SLC2A14: variants seen among roughly 807,000 people sequenced by gnomAD.
SLC2A14 encodes solute carrier family 2, facilitated glucose transporter member 14.
SLC2A14 carries 13 observed loss-of-function variants against 43.0 expected under a neutral mutation model. The ratio of observed to expected loss-of-function variants is 0.30; its 90% CI spans 0.20 to 0.48. The LOEUF is 0.48. SLC2A14 is among the 20% of genes least tolerant of loss of function. The pLI, the probability that SLC2A14 is intolerant of heterozygous loss-of-function variation, is 0.99. For synonymous variants in SLC2A14, 190 were observed against 233.8 expected, an observed-to-expected ratio of 0.81 and a Z score of 1.71; for missense variants, 428 against 620.4, an observed-to-expected ratio of 0.69 and a Z score of 3.29.
chr12:7,828,069 T>A (rs67712383), intron 6 of SLC2A14, among the ~76,000 whole-genome samples: 34,024 of 151,074 alleles, frequency 0.23, 4,721 homozygotes, highest in Non-Finnish European at 0.31. Flanking sequence ...AAAAAAAAAA[T>A]ACAAATTAGA....
Position 7,872,787 on chromosome 12 carries a change from G to A in SLC2A14, c.-58+20C>T. 1 of 985,484 alleles carries A rather than the reference G, an allele frequency of 1.0e-6. No homozygotes were observed. The highest frequency in any genetic ancestry group is 1.2e-6 in the Non-Finnish European group (1 of 830,058). 61.0% of individuals were successfully genotyped at this position (985,484 alleles called of 1,614,324 possible). Reference sequence around the variant, plus strand: ...TCATTCCCGCACCCCCCGGCCGCAGGGACGGCGCGGCGCACCCACCTCCCA... The same window carrying A: ...TCATTCCCGCACCCCCCGGCCGCAGAGACGGCGCGGCGCACCCACCTCCCA... On this transcript the variant is annotated intron_variant, in intron 1 of 10. Coordinates refer to ENST00000431042, the MANE Select transcript of SLC2A14 (RefSeq NM_001286234.2).
chr12:7,852,381 C>T (rs1867011631), intron 2 of SLC2A14, among the ~76,000 whole-genome samples: 4 of 151,990 alleles, frequency 2.6e-5, no homozygotes. Flanking sequence ...TGGAAAAAAG[C>T]AGTGCTTCAT....
chr12:7,863,442 T>C (rs952864636), intron 2 of SLC2A14: 8 of 453,254 alleles, frequency 1.8e-5, no homozygotes, highest in Admixed American at 1.2e-4. Context: ...ATGGCCACCA[T>C]TGTGAAACTC....
At chr12:7,829,675 G>C (rs1864830090) in intron 5 of SLC2A14, 91 bp downstream of exon 5, 2 of 1,521,124 alleles carry the variant, frequency 1.3e-6, no homozygotes, top group Non-Finnish European at 1.8e-6. Context: ...AATTGAACAT[G>C]TGCCAGATAT....
intron 2 of SLC2A14, among the ~76,000 whole-genome samples, chr12:7,847,916 C>T (rs1393349314): frequency 2.0e-5 from 3 of 152,062 alleles, no homozygotes; most frequent in Non-Finnish European, 4.4e-5. Context: ...ACATTTACTT[C>T]TAGAAATGGA....
At chr12:7,846,745 CCTCA>C (rs1866499621) in intron 2 of SLC2A14, among the ~76,000 whole-genome samples, 1 of 57,704 alleles carries the variant, frequency 1.7e-5, no homozygotes, top group Admixed American at 2.8e-4. Context: ...GATTCTCCTG[CCTCA>C]GCCTCTGGAG....
intron 1 of SLC2A14, chr12:7,871,896 A>T (rs1414701502): frequency 1.0e-6 from 1 of 984,678 alleles, no homozygotes; most frequent in Non-Finnish European, 1.2e-6. Flanking sequence ...CCATCGTGGG[A>T]GTGTGCTCAA....
intron 7 of SLC2A14, among the ~76,000 whole-genome samples, chr12:7,824,681 C>T (rs1051434857): frequency 2.1e-5 from 3 of 141,910 alleles, no homozygotes; most frequent in East Asian, 2.1e-4. Context: ...TGCAGTGAGC[C>T]GAGATTGTGC....
intron 2 of SLC2A14, among the ~76,000 whole-genome samples, chr12:7,855,204 C>T (rs1359489383): frequency 6.6e-6 from 1 of 152,166 alleles, no homozygotes; most frequent in Non-Finnish European, 1.5e-5. Context: ...CCACTCTGGA[C>T]ATTAGGCATT....
chr12:7,832,925 T>C, intron 2 of SLC2A14, 111 bp from the exon 3 acceptor site: 1 of 1,005,596 alleles, frequency 9.9e-7, no homozygotes, highest in Non-Finnish European at 1.5e-6. Context: ...ATGAGTGGTA[T>C]GAAAAGGACA....
chr12:7,815,388 C>T (rs1400541287), intron 10 of SLC2A14, among the ~76,000 whole-genome samples: 3 of 152,088 alleles, frequency 2.0e-5, no homozygotes, highest in Non-Finnish European at 2.9e-5. Flanking sequence ...TGCATTCCAC[C>T]GTGGGCAACA....
chr12:7,824,400 T>A (rs896425733), intron 7 of SLC2A14, among the ~76,000 whole-genome samples: 1 of 152,028 alleles, frequency 6.6e-6, no homozygotes, highest in Non-Finnish European at 1.5e-5. Context: ...TATCACAATG[T>A]CTACACATCA....
At chr12:7,882,239 G>A (rs1007576270) in intron 1 of SLC2A14, among the ~76,000 whole-genome samples, 2 of 148,806 alleles carry the variant, frequency 1.3e-5, no homozygotes, top group African/African-American at 2.6e-5. Flanking sequence ...AGAAACGAAC[G>A]ATTCCAGACG....
rs1428530579 is a variant in SLC2A14 at position 7,859,995 on chromosome 12, GC to G, written c.18+9867del. On this transcript the variant is annotated intron_variant, in intron 2 of 10. Transcript: ENST00000431042. ...GAGAGATGCTATTACCAACCAAAGA[GC>G]TGACACTGCTCCACCCACGCCTGGT... is the stretch of plus-strand genomic sequence containing the variant. Among the ~76,000 whole-genome samples the G allele has an allele frequency of 2.7e-3, 415 of 152,198 alleles. 1 individual carries two copies. The highest frequency in any genetic ancestry group is 9.7e-3 in the African/African-American group (403 of 41,506).
At chr12:7,817,001 C>T (rs1863509116) in intron 10 of SLC2A14, among the ~76,000 whole-genome samples, 1 of 152,104 alleles carries the variant, frequency 6.6e-6, no homozygotes, top group African/African-American at 2.4e-5. Flanking sequence ...AGCCACTGCT[C>T]CCGGGTGCAA....
chr12:7,874,939 T>C (rs1195683359), upstream of SLC2A14, among the ~76,000 whole-genome samples: 4 of 29,466 alleles, frequency 1.4e-4, no homozygotes, highest in South Asian at 9.7e-3. Context: ...ATATATAATT[T>C]ATATATAAAT....
intron 2 of SLC2A14, among the ~76,000 whole-genome samples, chr12:7,850,199 C>T (rs1017603230): frequency 1.3e-5 from 2 of 151,986 alleles, no homozygotes; most frequent in African/African-American, 4.8e-5. Context: ...GGCCTGGGCA[C>T]ATGTCTGGTG....
chr12:7,876,303 A>AAAAAAAAG (rs1555149216), upstream of SLC2A14, among the ~76,000 whole-genome samples: 2 of 133,654 alleles, frequency 1.5e-5, no homozygotes, highest in Admixed American at 7.7e-5. Context: ...AAAAAAAAAA[A>AAAAAAAAG]AGAGAGACAA....
At chr12:7,848,328 T>C (rs1866626572) in intron 2 of SLC2A14, among the ~76,000 whole-genome samples, 1 of 152,144 alleles carries the variant, frequency 6.6e-6, no homozygotes, top group Non-Finnish European at 1.5e-5. Flanking sequence ...TCTTATGTCT[T>C]GACTGTTCTC....
Sources: allele counts gnomAD v4.1 joint callset (sites outside exome capture counted in the v4.1 genomes callset), GRCh38; gene constraint gnomAD v4.1.1; transcripts MANE v1.5; gene names NCBI Gene and HGNC (gene_info 2026-07-23, HGNC 2026-07-21).